The following CCSER1 variants were observed in gnomAD, a reference collection of about 807,000 sequenced individuals.
The protein encoded by CCSER1 is serine-rich coiled-coil domain-containing protein 1.
In CCSER1, 41 loss-of-function variants were observed where a neutral mutation model predicts 82.0. The observed-to-expected ratio is 0.50, with a 90% CI of 0.39 to 0.65. The LOEUF is 0.65. CCSER1 is among the 30% of genes least tolerant of loss of function. The pLI, the probability that CCSER1 is intolerant of heterozygous loss-of-function variation, is 0.00. For missense variants in CCSER1, 1,119 were observed against 1,064.2 expected (o/e 1.05, Z -0.72); for synonymous variants, 414 against 383.9 (o/e 1.08, Z -0.92).
At chr4:90,861,583 A>G (rs908367414) in intron 8 of CCSER1, among the ~76,000 whole-genome samples, 8 of 151,772 alleles carry the variant, frequency 5.3e-5, no homozygotes. Flanking sequence ...CTTTTAACGA[A>G]TTAGTAACTT....
intron 5 of CCSER1, among the ~76,000 whole-genome samples, chr4:90,605,077 C>G (rs975988081): frequency 1.3e-5 from 2 of 152,200 alleles, no homozygotes; most frequent in African/African-American, 4.8e-5. Context: ...TGGGTTTGAG[C>G]CGCCTTTATG....
chr4:90,690,738 A>C (rs1338601697), intron 6 of CCSER1, among the ~76,000 whole-genome samples: 1 of 151,948 alleles, frequency 6.6e-6, no homozygotes, highest in Non-Finnish European at 1.5e-5. Context: ...TTGCCTCCTT[A>C]ATTTTTTTTA....
At chr4:91,325,978 G>A (rs1291549901) in intron 10 of CCSER1, among the ~76,000 whole-genome samples, 3 of 96,508 alleles carry the variant, frequency 3.1e-5, no homozygotes, top group Non-Finnish European at 6.0e-5. Flanking sequence ...CTTTGAAAGA[G>A]TAGCTTTGTT....
intron 5 of CCSER1, among the ~76,000 whole-genome samples, chr4:90,497,748 T>C (rs1769258762): frequency 6.6e-6 from 1 of 152,194 alleles, no homozygotes; most frequent in Non-Finnish European, 1.5e-5. Context: ...ATCTCAATGG[T>C]CACTGGTCTT....
At chr4:90,455,579 G>A (rs1253212205) in intron 4 of CCSER1, among the ~76,000 whole-genome samples, 1 of 152,114 alleles carries the variant, frequency 6.6e-6, no homozygotes, top group Non-Finnish European at 1.5e-5. Context: ...CCCAGGGTAG[G>A]TGAGGCTAAG....
At chr4:90,503,416 C>T (rs1162791178) in intron 5 of CCSER1, among the ~76,000 whole-genome samples, 1 of 151,998 alleles carries the variant, frequency 6.6e-6, no homozygotes, top group African/African-American at 2.4e-5. Flanking sequence ...ATTATTTTTT[C>T]TTTTTTTAAT....
At chr4:90,688,009 C>T (rs960232843) in intron 6 of CCSER1, among the ~76,000 whole-genome samples, 1 of 152,082 alleles carries the variant, frequency 6.6e-6, no homozygotes, top group Non-Finnish European at 1.5e-5. Flanking sequence ...ACCAGAAAAG[C>T]TCGATATTCA....
chr4:91,322,816 T>C (rs1746287464), intron 10 of CCSER1, among the ~76,000 whole-genome samples: 1 of 152,138 alleles, frequency 6.6e-6, no homozygotes, highest in African/African-American at 2.4e-5. Context: ...AAAACCCAGG[T>C]AGTGTGATCA....
chr4:91,069,660 G>A (rs927992676), intron 9 of CCSER1, among the ~76,000 whole-genome samples: 1 of 152,150 alleles, frequency 6.6e-6, no homozygotes, highest in Admixed American at 6.5e-5. Flanking sequence ...TAAATCCTGA[G>A]CAGAAACTTA....
intron 5 of CCSER1, among the ~76,000 whole-genome samples, chr4:90,547,696 C>A (rs933904149): frequency 3.3e-5 from 5 of 151,996 alleles, no homozygotes; most frequent in Non-Finnish European, 2.9e-5. Context: ...TAAAATACAC[C>A]TCTGCTAAAT....
chr4:90,251,327 A>G (rs1476168359), intron 1 of CCSER1, among the ~76,000 whole-genome samples: 1 of 151,900 alleles, frequency 6.6e-6, no homozygotes, highest in Non-Finnish European at 1.5e-5. Flanking sequence ...ATGTGAAAGC[A>G]TTTGGATTTT....
intron 7 of CCSER1, among the ~76,000 whole-genome samples, chr4:90,796,399 A>T (rs1554015551): frequency 7.4e-6 from 1 of 134,640 alleles, no homozygotes; most frequent in Admixed American, 7.6e-5. Flanking sequence ...AGCTAGTGGT[A>T]TATCTATTGT....
At chr4:91,081,852 A>C (rs1285276607) in intron 9 of CCSER1, among the ~76,000 whole-genome samples, 1 of 152,220 alleles carries the variant, frequency 6.6e-6, no homozygotes, top group Non-Finnish European at 1.5e-5. Flanking sequence ...AATCCAACTT[A>C]CAAGGGACGT....
intron 10 of CCSER1, among the ~76,000 whole-genome samples, chr4:91,598,182 G>A (rs1403493240): frequency 6.6e-6 from 1 of 151,998 alleles, no homozygotes; most frequent in East Asian, 1.9e-4. Context: ...AGCATATTAA[G>A]CCAACAAAAG....
intron 5 of CCSER1, among the ~76,000 whole-genome samples, chr4:90,572,300 T>C (rs1401964311): frequency 6.6e-6 from 1 of 152,206 alleles, no homozygotes; most frequent in Non-Finnish European, 1.5e-5. Flanking sequence ...TCTTTGATAT[T>C]TGACAATTTG....
intron 5 of CCSER1, among the ~76,000 whole-genome samples, chr4:90,493,476 T>C (rs527861163): frequency 5.3e-5 from 8 of 152,002 alleles, no homozygotes; most frequent in African/African-American, 1.4e-4. Context: ...TTCACCAAAG[T>C]TGAAATGAAG....
At chr4:90,906,864 T>C (rs1386595171) in intron 8 of CCSER1, among the ~76,000 whole-genome samples, 1 of 152,128 alleles carries the variant, frequency 6.6e-6, no homozygotes, top group Non-Finnish European at 1.5e-5. Flanking sequence ...ATTTTAACTC[T>C]CCTAAATCTT....
intron 1 of CCSER1, among the ~76,000 whole-genome samples, chr4:90,295,290 C>A (rs181878570): frequency 3.9e-5 from 6 of 151,946 alleles, no homozygotes; most frequent in African/African-American, 1.4e-4. Context: ...ATTTGGATTT[C>A]TTTGTAAATG....
intron 10 of CCSER1, among the ~76,000 whole-genome samples, chr4:91,353,766 T>C (rs1027452556): frequency 2.0e-5 from 3 of 152,194 alleles, no homozygotes; most frequent in Non-Finnish European, 2.9e-5. Context: ...TTTGGAGAAA[T>C]ACAGGTATCA....
Sources: gnomAD v4.1 joint callset for allele counts (sites outside exome capture counted in the v4.1 genomes callset) on GRCh38, gnomAD v4.1.1 for gene constraint, MANE v1.5 for transcripts, NCBI Gene and HGNC (gene_info 2026-07-23, HGNC 2026-07-21) for gene names.